Variants in SHISA6 observed in about 807,000 individuals in gnomAD.
SHISA6 encodes the protein protein shisa-6.
SHISA6 carries 22 observed loss-of-function variants against 47.9 expected under a neutral mutation model. The ratio of observed to expected loss-of-function variants is 0.46; its 90% CI spans 0.33 to 0.66. The LOEUF (loss-of-function observed/expected upper bound fraction) is 0.66, where lower values mean the gene tolerates loss of function less well. SHISA6 is among the 30% of genes least tolerant of loss of function. The pLI is 0.02. For synonymous variants in SHISA6, 388 were observed against 337.8 expected, an observed-to-expected ratio of 1.15 and a Z score of -1.63; for missense variants, 680 against 764.6, an observed-to-expected ratio of 0.89 and a Z score of 1.30.
intron 2 of SHISA6, among the ~76,000 whole-genome samples, chr17:11,365,250 C>T (rs1047267378): frequency 6.6e-6 from 1 of 152,072 alleles, no homozygotes; most frequent in Admixed American, 6.6e-5. Context: ...GGTTGTCCTA[C>T]ATATAAGGAT....
At chr17:11,375,275 T>G (rs1383954493) in intron 2 of SHISA6, among the ~76,000 whole-genome samples, 1 of 152,202 alleles carries the variant, frequency 6.6e-6, no homozygotes, top group Non-Finnish European at 1.5e-5. Flanking sequence ...AGTCTTATTT[T>G]AAATAGATAT....
At chr17:11,245,949 C>T (rs1907566700) in intron 1 of SHISA6, among the ~76,000 whole-genome samples, 1 of 152,180 alleles carries the variant, frequency 6.6e-6, no homozygotes. Flanking sequence ...TCCTCACAGG[C>T]CACATAACTG....
intron 3 of SHISA6, among the ~76,000 whole-genome samples, chr17:11,519,992 T>G (rs2071615908): frequency 1.3e-5 from 2 of 152,156 alleles, no homozygotes; most frequent in Admixed American, 1.3e-4. Flanking sequence ...CTTCCTCTGT[T>G]CTCTCCTAGA....
At chr17:11,529,192 C>CA (rs569617394) in intron 3 of SHISA6, among the ~76,000 whole-genome samples, 85 of 140,032 alleles carry the variant, frequency 6.1e-4, no homozygotes, top group Admixed American at 1.4e-3. Flanking sequence ...GACTCCATCT[C>CA]AAAAAAAAAA....
At chr17:11,377,637 A>G (rs888419146) in intron 2 of SHISA6, among the ~76,000 whole-genome samples, 2 of 152,026 alleles carry the variant, frequency 1.3e-5, no homozygotes, top group Non-Finnish European at 2.9e-5. Context: ...ATGGAGCTAG[A>G]CTCCACTCTT....
chr17:11,323,246 A>G (rs1375872847), intron 2 of SHISA6, among the ~76,000 whole-genome samples: 1 of 152,210 alleles, frequency 6.6e-6, no homozygotes, highest in Admixed American at 6.5e-5. Context: ...CCAAAGAATA[A>G]TAGAAAGCTG....
chr17:11,449,434 C>T (rs1168486465), intron 3 of SHISA6, among the ~76,000 whole-genome samples: 2 of 151,462 alleles, frequency 1.3e-5, no homozygotes, highest in African/African-American at 4.9e-5. Context: ...CAGAGCGAGA[C>T]TCCATCTCTA....
chr17:11,384,394 TG>T (rs1913127327), intron 3 of SHISA6, among the ~76,000 whole-genome samples: 1 of 152,242 alleles, frequency 6.6e-6, no homozygotes, highest in Non-Finnish European at 1.5e-5. Context: ...AACACTAGAT[TG>T]GCAGGGACTG....
chr17:11,316,113 T>C (rs1209244308), intron 2 of SHISA6, among the ~76,000 whole-genome samples: 2 of 151,974 alleles, frequency 1.3e-5, no homozygotes, highest in Non-Finnish European at 2.9e-5. Context: ...TTGTCTAGTT[T>C]ATCTAATGCT....
rs538459799 is a variant in SHISA6, at chr17:11,427,357, A to C, written c.895+47848A>C. On this transcript the variant is annotated intron_variant, in intron 3 of 5. Transcript: ENST00000441885. ...ACCATGTTGTCCAGGCTGGTCTTGA[A>C]CTCATGACCTTGTGATCCGCCCATC... Among the ~76,000 whole-genome samples, 5 of 151,976 alleles carry C rather than the reference A, an allele frequency of 3.3e-5. No homozygotes were observed. In the South Asian group the frequency reaches 1.0e-3, roughly 32 times the overall value.
At chr17:11,301,553 A>G (rs1422114340) in intron 2 of SHISA6, among the ~76,000 whole-genome samples, 1 of 152,196 alleles carries the variant, frequency 6.6e-6, no homozygotes, top group African/African-American at 2.4e-5. Context: ...CACACCGTGC[A>G]TGAATGAGTC....
intron 3 of SHISA6, among the ~76,000 whole-genome samples, chr17:11,443,933 T>C (rs1915161668): frequency 6.6e-6 from 1 of 152,234 alleles, no homozygotes; most frequent in Non-Finnish European, 1.5e-5. Context: ...TCTTTTTTTC[T>C]GTCTGTAAAG....
rs117755598 is a variant in SHISA6 at position 11,355,965 on chromosome 17, G to A, written c.800-23449G>A. On this transcript the variant is annotated intron_variant, in intron 2 of 5. Transcript: ENST00000441885. ...CATGTAGATCAAGGACCAACATGGC[G>A]GATGAGACCAAAATGGCTAATGCCA... is the stretch of plus-strand genomic sequence containing the variant. Among the ~76,000 whole-genome samples the A allele has an allele frequency of 2.4e-3, 372 of 152,296 alleles. 1 individual carries two copies. The highest frequency in any genetic ancestry group is 0.019 in the East Asian group (98 of 5,182).
chr17:11,515,189 G>A, intron 3 of SHISA6, among the ~76,000 whole-genome samples: 1 of 148,754 alleles, frequency 6.7e-6, no homozygotes, highest in Non-Finnish European at 1.5e-5. Context: ...GCTCCATATA[G>A]CTGGGATTGC....
chr17:11,245,669 G>A (rs1336840075), intron 1 of SHISA6, among the ~76,000 whole-genome samples: 3 of 137,776 alleles, frequency 2.2e-5, no homozygotes, highest in Non-Finnish European at 3.1e-5. Flanking sequence ...TGCTGGAGAC[G>A]CAGTTGGTGA....
chr17:11,421,921 G>A (rs571644190), intron 3 of SHISA6, among the ~76,000 whole-genome samples: 1 of 152,174 alleles, frequency 6.6e-6, no homozygotes, highest in African/African-American at 2.4e-5. Flanking sequence ...TGGTTGCTCA[G>A]TTTCTCAGGA....
At chr17:11,457,127 A>T (rs894645478) in intron 3 of SHISA6, among the ~76,000 whole-genome samples, 3 of 152,166 alleles carry the variant, frequency 2.0e-5, no homozygotes, top group African/African-American at 7.2e-5. Context: ...TTGAATATGC[A>T]TGGTGACCAA....
At chr17:11,365,034 G>A (rs183675135) in intron 2 of SHISA6, among the ~76,000 whole-genome samples, 259 of 152,242 alleles carry the variant, frequency 1.7e-3, no homozygotes, top group Non-Finnish European at 2.8e-3. Context: ...TGAGACTCAA[G>A]TTTCCTCACC....
chr17:11,371,798 A>C (rs902411543), intron 2 of SHISA6, among the ~76,000 whole-genome samples: 1 of 152,170 alleles, frequency 6.6e-6, no homozygotes, highest in Non-Finnish European at 1.5e-5. Flanking sequence ...AAATATTACA[A>C]AAATTAAAAT....
Sources: gnomAD v4.1 joint callset for allele counts (sites outside exome capture counted in the v4.1 genomes callset) on GRCh38, gnomAD v4.1.1 for gene constraint, MANE v1.5 for transcripts, NCBI Gene and HGNC (gene_info 2026-07-23, HGNC 2026-07-21) for gene names.